NBEA: variants seen among roughly 807,000 people sequenced by gnomAD.
NBEA encodes lysosomal-trafficking regulator 2.
NBEA carries 44 observed loss-of-function variants against 343.4 expected under a neutral mutation model. The observed-to-expected ratio is 0.13, with a 90% confidence interval of 0.10 to 0.16. NBEA has a LOEUF of 0.16. NBEA is among the 10% of genes least tolerant of loss of function. The probability of loss-of-function intolerance (pLI) is 1.00; values close to 1 mark genes in which losing one functional copy is unlikely to be tolerated. For missense variants in NBEA, 2,555 were observed against 3,631.3 expected (o/e 0.70, Z 7.62); for synonymous variants, 1,175 against 1,238.7 (o/e 0.95, Z 1.08).
At chr13:35,119,906 G>A (rs1048864635) in intron 16 of NBEA, among the ~76,000 whole-genome samples, 50 of 152,042 alleles carry the variant, frequency 3.3e-4, no homozygotes, top group African/African-American at 1.2e-3. Context: ...TTTTACTCTA[G>A]AGTTTGAGCT....
At chr13:35,011,386 C>G (rs1276159921) in intron 1 of NBEA, among the ~76,000 whole-genome samples, 1 of 152,104 alleles carries the variant, frequency 6.6e-6, no homozygotes, top group African/African-American at 2.4e-5. Context: ...AGATCCATCT[C>G]AAGACTTTTA....
chr13:35,656,944 C>A (rs1404850529), intron 55 of NBEA, among the ~76,000 whole-genome samples: 1 of 152,154 alleles, frequency 6.6e-6, no homozygotes, highest in African/African-American at 2.4e-5. Context: ...CATTGCGTGG[C>A]TGGCTGCTGC....
chr13:35,365,142 T>G (rs1159595136), intron 38 of NBEA, among the ~76,000 whole-genome samples: 2 of 151,796 alleles, frequency 1.3e-5, no homozygotes, highest in Non-Finnish European at 3.0e-5. Flanking sequence ...ATGCATTTTT[T>G]CTAAAATATG....
chr13:35,093,817 GTAAGGGGTGGT>G (rs2065200440), intron 10 of NBEA, among the ~76,000 whole-genome samples: 1 of 151,920 alleles, frequency 6.6e-6, no homozygotes, highest in African/African-American at 2.4e-5. Context: ...TTAGTGCACT[GTAAGGGGTGGT>G]TTGTTAGTTG....
intron 48 of NBEA, among the ~76,000 whole-genome samples, chr13:35,618,221 G>A (rs544010029): frequency 1.3e-5 from 2 of 152,160 alleles, no homozygotes; most frequent in Admixed American, 6.5e-5. Flanking sequence ...GTATGGATTA[G>A]TATTCTGTAC....
intron 1 of NBEA, among the ~76,000 whole-genome samples, chr13:34,978,441 G>A (rs1055664538): frequency 3.3e-5 from 5 of 152,132 alleles, no homozygotes; most frequent in Middle Eastern, 6.8e-3. Context: ...CCAGGTTGAC[G>A]CCATGCATAT....
chr13:35,123,986 A>G (rs1198975024), intron 17 of NBEA, among the ~76,000 whole-genome samples: 3 of 152,062 alleles, frequency 2.0e-5, no homozygotes, highest in Non-Finnish European at 4.4e-5. Context: ...ATTAGTTTCT[A>G]ACAGTAGGGC....
At chr13:35,527,319 G>A (rs894270833) in intron 41 of NBEA, among the ~76,000 whole-genome samples, 4 of 152,150 alleles carry the variant, frequency 2.6e-5, no homozygotes, top group South Asian at 2.1e-4. Context: ...GATTTCACCC[G>A]GAAGTGGCAG....
At chr13:35,453,972 A>C (rs1166010617) in intron 40 of NBEA, among the ~76,000 whole-genome samples, 2 of 152,208 alleles carry the variant, frequency 1.3e-5, no homozygotes, top group African/African-American at 2.4e-5. Context: ...TCACTGAATC[A>C]AGACTCCTCT....
intron 17 of NBEA, among the ~76,000 whole-genome samples, chr13:35,131,088 A>G (rs2067398793): frequency 6.6e-6 from 1 of 152,130 alleles, no homozygotes; most frequent in Admixed American, 6.6e-5. Flanking sequence ...TGTCAGCCTA[A>G]GAAGGCAAAA....
chr13:35,166,743 G>A (rs74048926), intron 24 of NBEA, among the ~76,000 whole-genome samples: 4,231 of 152,114 alleles, frequency 0.028, 86 homozygotes, highest in South Asian at 0.075. Flanking sequence ...GTATTACTGG[G>A]TTGTATAATA....
intron 1 of NBEA, among the ~76,000 whole-genome samples, chr13:35,035,436 T>C (rs1361244620): frequency 2.6e-5 from 4 of 152,022 alleles, no homozygotes; most frequent in Admixed American, 1.3e-4. Context: ...TAACATATGG[T>C]CTGTCTTTTC....
intron 18 of NBEA, among the ~76,000 whole-genome samples, chr13:35,151,989 A>C (rs931509335): frequency 1.3e-5 from 2 of 152,132 alleles, no homozygotes; most frequent in Non-Finnish European, 2.9e-5. Context: ...TTTTATGTTT[A>C]ATACACTTGT....
chr13:35,137,157 A>G (rs1448908046), intron 17 of NBEA, among the ~76,000 whole-genome samples: 1 of 152,158 alleles, frequency 6.6e-6, no homozygotes, highest in Non-Finnish European at 1.5e-5. Context: ...TTTAATTAGA[A>G]AAAAGCCCTT....
chr13:35,647,488 G>A (rs2084293118), intron 51 of NBEA, among the ~76,000 whole-genome samples: 1 of 152,180 alleles, frequency 6.6e-6, no homozygotes, highest in Non-Finnish European at 1.5e-5. Context: ...CTGATGCTAA[G>A]CACTGGAGAT....
At chr13:35,215,395 G>A (rs867179843) in intron 33 of NBEA, among the ~76,000 whole-genome samples, 2 of 151,312 alleles carry the variant, frequency 1.3e-5, no homozygotes, top group Non-Finnish European at 3.0e-5. Context: ...TCATGTGTTT[G>A]ATGATATTAT....
intron 1 of NBEA, among the ~76,000 whole-genome samples, chr13:34,983,960 C>T (rs2060454589): frequency 6.6e-6 from 1 of 152,094 alleles, no homozygotes; most frequent in Admixed American, 6.5e-5. Flanking sequence ...TTCTCCCATT[C>T]TGTAGGTAGC....
chr13:35,417,865 AT>A (rs1428319136), intron 38 of NBEA, among the ~76,000 whole-genome samples: 2 of 152,164 alleles, frequency 1.3e-5, no homozygotes, highest in East Asian at 3.9e-4. Flanking sequence ...ATTGTGTGGG[AT>A]TTTAAGTCTC....
intron 10 of NBEA, among the ~76,000 whole-genome samples, chr13:35,071,166 A>G (rs2063854163): frequency 6.6e-6 from 1 of 152,194 alleles, no homozygotes; most frequent in Admixed American, 6.6e-5. Context: ...GCATATACTC[A>G]TGGTTTGAAT....
Sources: gnomAD v4.1 joint callset for allele counts (sites outside exome capture counted in the v4.1 genomes callset) on GRCh38, gnomAD v4.1.1 for gene constraint, MANE v1.5 for transcripts, NCBI Gene and HGNC (gene_info 2026-07-23, HGNC 2026-07-21) for gene names.